Variants in LMTK2 observed in about 807,000 individuals in gnomAD.
LMTK2 encodes serine/threonine-protein kinase LMTK2.
In LMTK2, 37 loss-of-function variants were observed where a neutral mutation model predicts 127.5. That is an observed-to-expected ratio of 0.29 (90% CI 0.22 to 0.38). LMTK2 has a LOEUF of 0.38. LMTK2 is among the 10% of genes least tolerant of loss of function. The pLI is 1.00. For missense variants in LMTK2, 1,694 were observed against 1,920.3 expected, an observed-to-expected ratio of 0.88 and a Z score of 2.20; for synonymous variants, 819 against 810.1, an observed-to-expected ratio of 1.01 and a Z score of -0.19.
intron 3 of LMTK2, among the ~76,000 whole-genome samples, chr7:98,144,802 C>CT (rs1469313411): frequency 3.4e-5 from 5 of 146,098 alleles, no homozygotes; most frequent in Non-Finnish European, 7.5e-5. Flanking sequence ...CTGCATCTTG[C>CT]TTTTTTTTCA....
chr7:98,134,336 A>G (rs192997702), intron 1 of LMTK2, among the ~76,000 whole-genome samples: 46 of 152,334 alleles, frequency 3.0e-4, no homozygotes, highest in Admixed American at 2.5e-3. Context: ...TGTGAGATGC[A>G]CCTGAAATTC....
At chr7:98,123,250 C>T (rs144467450) in intron 1 of LMTK2, among the ~76,000 whole-genome samples, 63 of 152,324 alleles carry the variant, frequency 4.1e-4, no homozygotes, top group Middle Eastern at 3.4e-3. Flanking sequence ...CACACACATA[C>T]GTGCATTCAC....
chr7:98,165,568 C>G (rs1797083249), intron 6 of LMTK2, among the ~76,000 whole-genome samples: 1 of 152,208 alleles, frequency 6.6e-6, no homozygotes, highest in Admixed American at 6.5e-5. Context: ...CTTCCCACCT[C>G]AGCCTCCGAA....
intron 6 of LMTK2, among the ~76,000 whole-genome samples, chr7:98,167,732 T>TGAGGCATGGGCTTTC (rs1253692181): frequency 6.6e-6 from 1 of 152,026 alleles, no homozygotes; most frequent in East Asian, 1.9e-4. Context: ...GAGCTGTACG[T>TGAGGCATGGGCTTTC]GAGGCATGGG....
At chr7:98,148,555 T>G (rs1796806052) in intron 3 of LMTK2, among the ~76,000 whole-genome samples, 1 of 151,878 alleles carries the variant, frequency 6.6e-6, no homozygotes, top group African/African-American at 2.4e-5. Flanking sequence ...TCTTGTCTAA[T>G]AATTAGTCCA....
In LMTK2 at chr7:98,194,199, A is replaced by G. The variant is rs778872579; in HGVS notation, c.3734A>G (p.Lys1245Arg). 1.2e-6 allele frequency: 2 copies of G among 1,613,976 alleles called. No individual in the cohort carries two copies. The highest frequency in any genetic ancestry group is 4.5e-5 in the East Asian group (2 of 44,868). ...GCCTACACCAATTCTGCGCTGGACAAGTCCCTGTCCAGCCACTCCGAGGGC... is the reference window on the plus strand; with the variant it reads ...GCCTACACCAATTCTGCGCTGGACAGGTCCCTGTCCAGCCACTCCGAGGGC... ...LLAYTNSALD[K>R]SLSSHSEGPK... Residue 1245 changes from lysine (K) to arginine (R), a missense_variant, in exon 11 of 14, where the codon AAG becomes AGG. Coordinates refer to ENST00000297293, the MANE Select transcript of LMTK2 (RefSeq NM_014916.4). This position sits in a 1 kb window ranked among gnomAD's most constrained non-coding sequence, Gnocchi z 5.4.
chr7:98,112,098 T>C (rs1796208743), intron 1 of LMTK2, among the ~76,000 whole-genome samples: 1 of 152,244 alleles, frequency 6.6e-6, no homozygotes, highest in African/African-American at 2.4e-5. Context: ...TCATGAGGCA[T>C]CCCTGATTAA....
At chr7:98,182,296 T>G (rs1237795718) in intron 7 of LMTK2, among the ~76,000 whole-genome samples, 1 of 152,006 alleles carries the variant, frequency 6.6e-6, no homozygotes, top group African/African-American at 2.4e-5. Flanking sequence ...ATCAATAGGG[T>G]GAAAAGATAA....
intron 4 of LMTK2, among the ~76,000 whole-genome samples, chr7:98,152,092 G>A (rs1325431810): frequency 1.3e-5 from 2 of 152,148 alleles, no homozygotes; most frequent in Non-Finnish European, 2.9e-5. Context: ...AGGTTAGATT[G>A]TTTTTTTAAT....
intron 7 of LMTK2, among the ~76,000 whole-genome samples, chr7:98,179,132 T>C (rs1797315395): frequency 1.3e-5 from 2 of 152,230 alleles, no homozygotes; most frequent in African/African-American, 2.4e-5. Flanking sequence ...AGTTTTATAA[T>C]GAGAGCCAAG....
chr7:98,194,160 C>A lies in LMTK2; in HGVS notation c.3695C>A (p.Thr1232Lys). 6.2e-7 allele frequency: 1 copy of A among 1,614,010 alleles called. No individual in the cohort carries two copies. The highest frequency in any genetic ancestry group is 8.5e-7 in the Non-Finnish European group (1 of 1,180,022). ...ACCCTCGCTTCCACGGGGACCAACA[C>A]GAACGAACTCCTTGCCTACACCAAT... ...PCTLASTGTN[T>K]NELLAYTNSA... The change falls in exon 11 of 14, where the codon ACG becomes AAG. Residue 1232 changes from threonine to lysine, a missense_variant. Thr to Lys is a moderately conservative substitution (Grantham distance 78). This residue lies in a region of LMTK2 where 554 missense variants were observed against 567.7 expected (regional missense o/e 0.98). Transcript: ENST00000297293. This position sits in a 1 kb window ranked among gnomAD's most constrained non-coding sequence, Gnocchi z 5.4.
chr7:98,201,836 C>A (rs1181137826), intron 11 of LMTK2, among the ~76,000 whole-genome samples: 5 of 152,176 alleles, frequency 3.3e-5, no homozygotes, highest in African/African-American at 1.2e-4. Flanking sequence ...TTTTGAACTC[C>A]TGGCCTCAAG....
chr7:98,139,730 C>A (rs1409766910), intron 2 of LMTK2, among the ~76,000 whole-genome samples: 2 of 152,188 alleles, frequency 1.3e-5, no homozygotes, highest in Middle Eastern at 3.2e-3. Flanking sequence ...AATGTCTTCT[C>A]ACACGCATAT....
At chr7:98,141,339 A>G (rs1159670642) in intron 2 of LMTK2, 58 bp from the exon 3 acceptor site, 2 of 1,498,246 alleles carry the variant, frequency 1.3e-6, no homozygotes, top group East Asian at 2.3e-5. Context: ...TTGTGCAAAT[A>G]TGTTCCTATT....
At chr7:98,188,358 T>A (rs1045560400) in intron 9 of LMTK2, among the ~76,000 whole-genome samples, 4 of 152,234 alleles carry the variant, frequency 2.6e-5, no homozygotes, top group Non-Finnish European at 4.4e-5. Context: ...GATACAGGAC[T>A]CCTGGACCAT....
At chr7:98,172,159 G>A (rs1797202502) in intron 7 of LMTK2, among the ~76,000 whole-genome samples, 1 of 152,208 alleles carries the variant, frequency 6.6e-6, no homozygotes, top group South Asian at 2.1e-4. Context: ...GTGCCCATTT[G>A]GAAGCAGAGG....
intron 2 of LMTK2, among the ~76,000 whole-genome samples, chr7:98,140,143 T>TGTCC (rs1562902710): frequency 1.4e-4 from 1 of 7,342 alleles, no homozygotes; most frequent in Non-Finnish European, 4.4e-4. Context: ...TCTTTCTTTC[T>TGTCC]TTTCTTTTCT....
chr7:98,165,014 G>A (rs1797073178), intron 6 of LMTK2, among the ~76,000 whole-genome samples: 2 of 152,200 alleles, frequency 1.3e-5, no homozygotes, highest in African/African-American at 4.8e-5. Flanking sequence ...CACTGTTTCT[G>A]AAGGCAGTTC....
At chr7:98,174,014 C>G (rs926237937) in intron 7 of LMTK2, among the ~76,000 whole-genome samples, 2 of 151,302 alleles carry the variant, frequency 1.3e-5, no homozygotes, top group African/African-American at 4.9e-5. Context: ...CGAGATCATG[C>G]CACTGCACTC....
Sources: gnomAD v4.1 joint callset for allele counts (sites outside exome capture counted in the v4.1 genomes callset) on GRCh38, gnomAD v4.1.1 for gene constraint, gnomAD v4.1.1 regional missense constraint, Gnocchi (gnomAD v3.1) non-coding constraint, MANE v1.5 for transcripts, NCBI Gene and HGNC (gene_info 2026-07-23, HGNC 2026-07-21) for gene names.